Variants in MYO16 observed in about 807,000 individuals in gnomAD.
MYO16 encodes myosin XVI.
Under a neutral mutation model 205.3 loss-of-function variants are expected in MYO16, and 94 were observed. The observed-to-expected ratio is 0.46, with a 90% CI of 0.39 to 0.54. The LOEUF (loss-of-function observed/expected upper bound fraction) is 0.54, where lower values mean the gene tolerates loss of function less well. Among genes scored for constraint, MYO16 ranks in the 20% least tolerant of loss-of-function variants. The pLI, the probability that MYO16 is intolerant of heterozygous loss-of-function variation, is 0.00. For synonymous variants in MYO16, 988 were observed against 954.0 expected (o/e 1.04, Z -0.66); for missense variants, 2,315 against 2,387.5 (o/e 0.97, Z 0.63).
chr13:108,855,477 T>C lies in MYO16; in HGVS notation c.1283T>C (p.Leu428Pro). ...KLMPPAPNDDLATLSELNDGS... is the reference protein window; with the variant it reads ...KLMPPAPNDDPATLSELNDGS... ...ATGCCTCCTGCCCCAAACGATGACC[T>C]GGCAACGCTCAGCGAGCTCAATGAT... Residue 428 changes from leucine to proline, a missense_variant, in exon 11 of 35, where the codon CTG (leucine) becomes CCG (proline). Physicochemically the swap from Leu to Pro is moderately conservative, Grantham distance 98. Coordinates refer to ENST00000457511, the MANE Select transcript of MYO16 (RefSeq NM_001198950.3). 6.3e-7 allele frequency: 1 copy of C among 1,596,150 alleles called. No homozygotes were observed. The highest frequency in any genetic ancestry group is 8.6e-7 in the Non-Finnish European group (1 of 1,166,068).
At chr13:108,657,980 C>T (rs1881320908) in intron 1 of MYO16, among the ~76,000 whole-genome samples, 1 of 152,114 alleles carries the variant, frequency 6.6e-6, no homozygotes, top group Non-Finnish European at 1.5e-5. Context: ...GTTCATTTTG[C>T]TAATATGTAT....
chr13:109,003,523 C>CTCTATCCAGAGA (rs2139466098), intron 21 of MYO16, among the ~76,000 whole-genome samples: 1 of 152,240 alleles, frequency 6.6e-6, no homozygotes, highest in South Asian at 2.1e-4. Context: ...GAGACACAGG[C>CTCTATCCAGAGA]CACATCCATT....
intron 1 of MYO16, among the ~76,000 whole-genome samples, chr13:108,641,774 A>G (rs942515101): frequency 1.3e-5 from 2 of 152,204 alleles, no homozygotes; most frequent in African/African-American, 4.8e-5. Flanking sequence ...GGAATCCTAA[A>G]CAAGTCTTAA....
intron 31 of MYO16, among the ~76,000 whole-genome samples, chr13:109,138,863 G>C (rs573894238): frequency 5.9e-5 from 9 of 151,936 alleles, no homozygotes; most frequent in Non-Finnish European, 1.0e-4. Context: ...CTGTCGCCAG[G>C]CTGGAGTGCA....
At chr13:109,026,820 A>C (rs1208792271) in intron 23 of MYO16, among the ~76,000 whole-genome samples, 1 of 152,166 alleles carries the variant, frequency 6.6e-6, no homozygotes, top group Admixed American at 6.6e-5. Flanking sequence ...TGCCCTACTC[A>C]ATAATGATTC....
intron 1 of MYO16, among the ~76,000 whole-genome samples, chr13:108,644,370 A>G (rs57317553): frequency 0.16 from 8,803 of 53,518 alleles, 553 homozygotes; most frequent in African/African-American, 0.33. Context: ...CTGTCTATCT[A>G]TCTATCTATC....
intron 24 of MYO16, chr13:109,048,811 C>T (rs1037305079): frequency 6.8e-6 from 1 of 147,404 alleles, no homozygotes; most frequent in Non-Finnish European, 1.5e-5. Context: ...ATGGTGAGGT[C>T]TGTTGTAGAA....
intron 34 of MYO16, among the ~76,000 whole-genome samples, chr13:109,191,528 G>A (rs569303400): frequency 4.5e-4 from 69 of 152,196 alleles, no homozygotes; most frequent in African/African-American, 1.6e-3. Context: ...GTAAATCAGG[G>A]ATCAAAAAAA....
At chr13:108,618,891 C>G (rs541615224) in intron 1 of MYO16, among the ~76,000 whole-genome samples, 1 of 152,130 alleles carries the variant, frequency 6.6e-6, no homozygotes, top group East Asian at 1.9e-4. Context: ...TTCAACCAAT[C>G]TTAATGTATC....
At chr13:108,551,495 T>G in the MYO16 span, among the ~76,000 whole-genome samples, 6 of 152,326 alleles carry the variant, frequency 3.9e-5, no homozygotes, top group South Asian at 4.1e-4. Context: ...CAGTGAAGCC[T>G]CTGGTTTAGC....
At chr13:108,872,725 C>T (rs1281459892) in intron 12 of MYO16, among the ~76,000 whole-genome samples, 1 of 151,452 alleles carries the variant, frequency 6.6e-6, no homozygotes, top group Non-Finnish European at 1.5e-5. Flanking sequence ...TGTATATATA[C>T]ACACACACAC....
the MYO16 span, among the ~76,000 whole-genome samples, chr13:108,566,484 T>TA: frequency 3.1e-4 from 47 of 151,986 alleles, no homozygotes; most frequent in South Asian, 9.6e-3. Context: ...TTTTTTTTTT[T>TA]AGCCAGGCAT....
intron 4 of MYO16, among the ~76,000 whole-genome samples, chr13:108,731,890 A>T (rs1884534789): frequency 6.6e-6 from 1 of 152,198 alleles, no homozygotes; most frequent in South Asian, 2.1e-4. Flanking sequence ...TTATACTCTA[A>T]TGGTGAAAAC....
chr13:109,004,957 G>A (rs914066516), intron 21 of MYO16, among the ~76,000 whole-genome samples: 1 of 152,172 alleles, frequency 6.6e-6, no homozygotes, highest in African/African-American at 2.4e-5. Context: ...GATGATCACA[G>A]CAGTGTGAGT....
At chr13:108,508,266 A>AAG in the MYO16 span, among the ~76,000 whole-genome samples, 1 of 151,496 alleles carries the variant, frequency 6.6e-6, no homozygotes, top group Non-Finnish European at 1.5e-5. Context: ...AAAAAAAAAA[A>AAG]AGCTATCTTT....
At chr13:108,765,398 C>A (rs1885746797) in intron 4 of MYO16, among the ~76,000 whole-genome samples, 1 of 152,130 alleles carries the variant, frequency 6.6e-6, no homozygotes, top group Non-Finnish European at 1.5e-5. Flanking sequence ...TTTTATCTGT[C>A]ATACATACCC....
chr13:109,041,781 T>G (rs991967576), intron 23 of MYO16, among the ~76,000 whole-genome samples: 2 of 152,092 alleles, frequency 1.3e-5, no homozygotes, highest in Non-Finnish European at 2.9e-5. Context: ...TTAAAAATAT[T>G]TAATGGTAAT....
chr13:108,771,599 T>G (rs1885966457), intron 4 of MYO16, among the ~76,000 whole-genome samples: 1 of 152,134 alleles, frequency 6.6e-6, no homozygotes, highest in Non-Finnish European at 1.5e-5. Context: ...GTACAGAAAT[T>G]TGCGGAGTGT....
intron 4 of MYO16, among the ~76,000 whole-genome samples, chr13:108,776,592 A>G (rs1886131297): frequency 6.6e-6 from 1 of 152,176 alleles, no homozygotes; most frequent in Admixed American, 6.5e-5. Flanking sequence ...GCACTCCAAT[A>G]AAACTGCTTC....
Sources: allele counts gnomAD v4.1 joint callset (sites outside exome capture counted in the v4.1 genomes callset), GRCh38; gene constraint gnomAD v4.1.1; transcripts MANE v1.5; gene names NCBI Gene and HGNC (gene_info 2026-07-23, HGNC 2026-07-21).